DNAJC9: variants seen among roughly 807,000 people sequenced by gnomAD.
DNAJC9 encodes the protein dnaJ homolog subfamily C member 9.
In DNAJC9, 18 loss-of-function variants were observed where a neutral mutation model predicts 32.4. That is an observed-to-expected ratio of 0.56 (90% confidence interval 0.38 to 0.82). DNAJC9 has a LOEUF of 0.82. Ranked by LOEUF, DNAJC9 falls within the 40% of genes least tolerant of loss-of-function variation. The pLI is 0.00. For missense variants in DNAJC9, 310 were observed against 321.8 expected (o/e 0.96, Z 0.28); for synonymous variants, 113 against 122.1 (o/e 0.93, Z 0.49).
intron 2 of DNAJC9, among the ~76,000 whole-genome samples, chr10:73,233,617 T>C (rs1443444119): frequency 6.6e-6 from 1 of 152,204 alleles, no homozygotes; most frequent in Non-Finnish European, 1.5e-5. Context: ...GTGCTGAGAT[T>C]ACAGGTGTGA....
At chr10:73,243,658 T>C (rs2043977635) in intron 4 of DNAJC9, 139 bp from the exon 5 acceptor site, 13 of 1,223,176 alleles carry the variant, frequency 1.1e-5, no homozygotes, top group Non-Finnish European at 1.5e-5. Context: ...TGTCCTACAA[T>C]TGGTGTTAAT....
chr10:73,243,107 G>T lies in DNAJC9; in HGVS notation c.*293C>A, dbSNP rs2043972188. The T allele has an allele frequency of 5.4e-6, 2 of 367,472 alleles. No individual in the cohort carries two copies. The highest frequency in any genetic ancestry group is 4.2e-5 in the Admixed American group (1 of 23,720). The allele number at this position is 367,472 out of a possible 1,614,324, so 22.8% of individuals were successfully genotyped here. The stretch of plus-strand genomic sequence containing the variant: ...ACCACATCCTAGATAAGAGTTCTGT[G>T]TACAGAAGATCCATGGAGGCAAGTG... On this transcript the variant is annotated 3_prime_UTR_variant, in exon 5 of 5. Transcript: ENST00000372950.
chr10:73,234,119 C>T (rs1471587474), downstream of DNAJC9: 1 of 152,138 alleles, frequency 6.6e-6, no homozygotes, highest in Admixed American at 6.5e-5. Flanking sequence ...AAAATATCCT[C>T]AAAGGTATGA....
At chr10:73,237,660 G>A (rs1245840987), downstream of DNAJC9, among the ~76,000 whole-genome samples, 1 of 152,146 alleles carries the variant, frequency 6.6e-6, no homozygotes, top group Non-Finnish European at 1.5e-5. Context: ...GACCCCAAGT[G>A]ATCCACCTAC....
downstream of DNAJC9, chr10:73,241,188 T>C: frequency 1.7e-6 from 1 of 588,130 alleles, no homozygotes; most frequent in Non-Finnish European, 3.1e-6. Flanking sequence ...CAGCCAAAAA[T>C]GACATGAGTG....
At chr10:73,244,586 C>G (rs1352151097) in intron 3 of DNAJC9, 4 of 151,874 alleles carry the variant, frequency 2.6e-5, no homozygotes, top group Non-Finnish European at 5.9e-5. Flanking sequence ...CAATTTACTC[C>G]ATGGGACTGG....
intron 2 of DNAJC9, chr10:73,232,957 A>G (rs533256711): frequency 1.3e-6 from 2 of 1,549,858 alleles, no homozygotes; most frequent in African/African-American, 2.7e-5. Flanking sequence ...ATGACAAGCT[A>G]CTTATGAGGC....
At chr10:73,235,309 A>G (rs1389368601), downstream of DNAJC9, 2 of 1,552,130 alleles carry the variant, frequency 1.3e-6, no homozygotes, top group East Asian at 2.4e-5. Context: ...ACACAACTCA[A>G]TCATTTTTGG....
At chr10:73,237,037 C>T (rs1180290883), downstream of DNAJC9, among the ~76,000 whole-genome samples, 1 of 152,104 alleles carries the variant, frequency 6.6e-6, no homozygotes, top group East Asian at 1.9e-4. Flanking sequence ...CATGGCTTTC[C>T]TCCCTGTGTG....
chr10:73,246,095 G>C lies in DNAJC9; in HGVS notation c.403C>G (p.Leu135Val), dbSNP rs1341560879. ...EELADIKQAY[L>V]DFKGDMDQIM... ...TGATCCATGTCACCCTTGAAGTCCA[G>C]ATAGGCCTGCTTAATATCAGCCAGC... Residue 135 changes from leucine (L) to valine (V), a missense_variant, in exon 3 of 5, where the codon CTG (leucine) becomes GTG (valine). Transcript: ENST00000372950. 1 of 1,613,926 alleles carries C rather than the reference G, an allele frequency of 6.2e-7. No homozygotes were observed. The highest frequency in any genetic ancestry group is 1.1e-5 in the South Asian group (1 of 91,042).
chr10:73,241,080 G>C, downstream of DNAJC9: 1 of 921,618 alleles, frequency 1.1e-6, no homozygotes, highest in Non-Finnish European at 1.7e-6. Context: ...GCAGTATTCA[G>C]TCATCAAGTG....
chr10:73,246,966 G>A (rs764780658), intron 1 of DNAJC9, 44 bp downstream of exon 1: 1 of 1,553,380 alleles, frequency 6.4e-7, no homozygotes, highest in Non-Finnish European at 8.7e-7. Context: ...AGGCTAGGGG[G>A]AGGCCCGCGC....
chr10:73,238,774 T>C (rs2043880391), downstream of DNAJC9: 1 of 152,354 alleles, frequency 6.6e-6, no homozygotes, highest in African/African-American at 2.4e-5. Flanking sequence ...CAGGATGTCA[T>C]ATATAGCTTT....
chr10:73,240,901 T>G, downstream of DNAJC9: 1 of 1,165,638 alleles, frequency 8.6e-7, no homozygotes, highest in South Asian at 1.3e-5. Context: ...AGAGTGATTA[T>G]CAAACCTAGA....
chr10:73,237,787 G>A (rs1160178796), downstream of DNAJC9, among the ~76,000 whole-genome samples: 2 of 151,824 alleles, frequency 1.3e-5, no homozygotes, highest in Non-Finnish European at 2.9e-5. Context: ...GTGTAGTGGT[G>A]CAATCAGCAC....
At chr10:73,239,238 C>G, downstream of DNAJC9, 1 of 1,276,670 alleles carries the variant, frequency 7.8e-7, no homozygotes, top group Non-Finnish European at 1.1e-6. Flanking sequence ...TCAAGGTGTT[C>G]CTGTGAACCT....
chr10:73,243,597 A>G (rs1589204348), intron 4 of DNAJC9, 78 bp from the exon 5 acceptor site: 1 of 1,568,920 alleles, frequency 6.4e-7, no homozygotes, highest in Middle Eastern at 1.7e-4. Context: ...CAGGGGCTGG[A>G]AAAGTGGAAT....
Position 73,245,988 on chromosome 10 carries a change from T to A in DNAJC9, c.510A>T (p.Gly170=). 1 of 1,613,720 alleles carries A rather than the reference T, an allele frequency of 6.2e-7. No individual in the cohort carries two copies. Among genetic ancestry groups the A allele is most frequent in the Non-Finnish European group, 8.5e-7 (1 of 1,179,794 alleles). The change falls in exon 3 of 5, where the codon GGA becomes GGT. Residue 170 remains glycine, a synonymous_variant. Coordinates refer to ENST00000372950, the MANE Select transcript of DNAJC9 (RefSeq NM_015190.5). Reference sequence around the variant, plus strand: ...CAAAGGCATTATAGGATGGGACCTCTCCGGCGTCAATAGCTTGCTGAATGA... The same window carrying A: ...CAAAGGCATTATAGGATGGGACCTCACCGGCGTCAATAGCTTGCTGAATGA... ...RNIIQQAIDA[G]EVPSYNAFVK...
At chr10:73,244,024 T>G in intron 3 of DNAJC9, 95 bp from the exon 4 acceptor site, 1 of 1,007,016 alleles carries the variant, frequency 9.9e-7, no homozygotes, top group East Asian at 2.5e-5. Flanking sequence ...TGTTTCAATT[T>G]TATGAATATA....
Sources: allele counts gnomAD v4.1 joint callset (sites outside exome capture counted in the v4.1 genomes callset), GRCh38; gene constraint gnomAD v4.1.1; transcripts MANE v1.5; gene names NCBI Gene and HGNC (gene_info 2026-07-23, HGNC 2026-07-21).